PTPN12: variants seen among roughly 807,000 people sequenced by gnomAD.
The protein encoded by PTPN12 is tyrosine-protein phosphatase non-receptor type 12.
PTPN12 carries 29 observed loss-of-function variants against 97.6 expected under a neutral mutation model. That is an observed-to-expected ratio of 0.30 (90% CI 0.22 to 0.41). The LOEUF is 0.41. PTPN12 is among the 10% of genes least tolerant of loss of function. The pLI is 1.00. For synonymous variants in PTPN12, 327 were observed against 300.4 expected (o/e 1.09, Z -0.91); for missense variants, 819 against 926.0 (o/e 0.88, Z 1.50).
Position 77,626,949 on chromosome 7 carries a change from G to A in PTPN12, c.1270G>A (p.Glu424Lys). Residue 424 changes from glutamate (E) to lysine (K), a missense_variant, in exon 13 of 18, where the codon GAA becomes AAA. Physicochemically the swap from Glu to Lys is moderately conservative, Grantham distance 56 (BLOSUM62 1). Coordinates refer to ENST00000248594, the MANE Select transcript of PTPN12 (RefSeq NM_002835.4). ...ELPGKNESTI[E>K]QIDKKLERNL... Reference sequence around the variant, plus strand: ...TCCAGGGAAAAATGAATCAACAATTGAACAGATAGATAAAAAATTGGAACG... The same window carrying A: ...TCCAGGGAAAAATGAATCAACAATTAAACAGATAGATAAAAAATTGGAACG... The A allele has an allele frequency of 1.9e-6, 3 of 1,611,224 alleles. No homozygotes were observed. Among genetic ancestry groups the A allele is most frequent in the Non-Finnish European group, 2.5e-6 (3 of 1,179,122 alleles).
At chr7:77,596,021 G>GA (rs1291034232) in intron 6 of PTPN12, among the ~76,000 whole-genome samples, 1 of 152,128 alleles carries the variant, frequency 6.6e-6, no homozygotes, top group Non-Finnish European at 1.5e-5. Flanking sequence ...GAATGTTAGG[G>GA]AAAATCATGT....
intron 6 of PTPN12, among the ~76,000 whole-genome samples, chr7:77,594,290 T>C (rs929292382): frequency 6.6e-6 from 1 of 152,060 alleles, no homozygotes; most frequent in Non-Finnish European, 1.5e-5. Context: ...AGTGAGACAT[T>C]ATTAACATTT....
At chr7:77,638,956 A>T in intron 17 of PTPN12, 1 of 807,458 alleles carries the variant, frequency 1.2e-6, no homozygotes, top group Non-Finnish European at 1.8e-6. Flanking sequence ...TGGAAAGACT[A>T]AATTATCATG....
rs1032606692 is a variant in PTPN12, at chr7:77,618,332, T to C, written c.940-148T>C. ...AAGTCTGGTCCTTCAGGCTAAAATA[T>C]AGAGCCAGAATATAAGACTTTTTTT... On this transcript the variant is annotated intron_variant, in intron 11 of 17. Transcript: ENST00000248594. The C allele has an allele frequency of 3.5e-5, 18 of 520,004 alleles. No individual in the cohort carries two copies. In the East Asian group the frequency reaches 4.3e-4, roughly 13 times the overall value. The allele number at this position is 520,004 out of a possible 1,614,324, so 32.2% of individuals were successfully genotyped here. A position where few individuals can be genotyped will look rare whatever the true frequency, so the allele number is the denominator to read the frequency against.
At chr7:77,588,186 C>T (rs1032042129) in intron 5 of PTPN12, among the ~76,000 whole-genome samples, 8 of 152,226 alleles carry the variant, frequency 5.3e-5, no homozygotes, top group African/African-American at 1.9e-4. Context: ...TTCTGCCTAT[C>T]TCAGTTTTCA....
At chr7:77,630,300 T>C (rs1028287013) in intron 13 of PTPN12, among the ~76,000 whole-genome samples, 1 of 152,232 alleles carries the variant, frequency 6.6e-6, no homozygotes, top group Non-Finnish European at 1.5e-5. Context: ...TGGGGGGTTT[T>C]TTGGTCCTAG....
chr7:77,578,958 A>G lies in PTPN12; in HGVS notation c.209-2469A>G, dbSNP rs752908102. 1.4e-3 allele frequency among the ~76,000 whole-genome samples: 208 copies of G among 152,188 alleles called. 1 individual carries two copies. The highest frequency in any genetic ancestry group is 2.2e-3 in the Non-Finnish European group (151 of 68,038). On this transcript the variant is annotated intron_variant, in intron 2 of 17. Coordinates refer to ENST00000248594, the MANE Select transcript of PTPN12 (RefSeq NM_002835.4). Reference sequence around the variant, plus strand: ...AGTGACCAAGGTTAACATCACAAGTACTAAAGCATATGTATATCATGTATC... The same window carrying G: ...AGTGACCAAGGTTAACATCACAAGTGCTAAAGCATATGTATATCATGTATC...
intron 1 of PTPN12, among the ~76,000 whole-genome samples, chr7:77,563,325 AT>A (rs1808081579): frequency 6.6e-6 from 1 of 152,222 alleles, no homozygotes; most frequent in South Asian, 2.1e-4. Context: ...GATTATGCTG[AT>A]AGTAGCTATT....
chr7:77,543,360 T>TA (rs1177438107), intron 1 of PTPN12, among the ~76,000 whole-genome samples: 6 of 134,738 alleles, frequency 4.5e-5, no homozygotes, highest in Non-Finnish European at 4.7e-5. Context: ...TTTTTTTTTT[T>TA]AAAGAGAGAA....
At chr7:77,611,298 A>G (rs1788561291) in intron 11 of PTPN12, among the ~76,000 whole-genome samples, 1 of 152,180 alleles carries the variant, frequency 6.6e-6, no homozygotes, top group South Asian at 2.1e-4. Flanking sequence ...AAAATCATAT[A>G]ATTCGTTAAT....
At position 77,587,878 on chromosome 7, in the gene PTPN12, T is replaced by G. The variant is rs561622151; in HGVS notation, c.420+2297T>G. Among the ~76,000 whole-genome samples the G allele has an allele frequency of 2.0e-5, 3 of 152,352 alleles. No homozygotes were observed. The South Asian group carries it at 6.2e-4, about 32-fold the overall frequency. On this transcript the variant is annotated intron_variant, in intron 5 of 17. Coordinates refer to ENST00000248594, the MANE Select transcript of PTPN12 (RefSeq NM_002835.4). ...GCACTTTTATGTTATGGGGACAGCT[T>G]CTTTCCTTAAACTTCGTGAACCAGC...
intron 2 of PTPN12, among the ~76,000 whole-genome samples, chr7:77,572,879 TC>T (rs1429398738): frequency 6.6e-6 from 1 of 151,998 alleles, no homozygotes. Context: ...GGTCAGGAGT[TC>T]GCGACCAGCC....
At position 77,581,523 on chromosome 7, in the gene PTPN12, G is replaced by A. The variant is rs1288530781; in HGVS notation, c.285+20G>A. ...ATAAAGGTATGTACTAACTTTAAATGGTGTTTCTCTGCCATATTAATGTCT... is the reference window on the plus strand; with the variant it reads ...ATAAAGGTATGTACTAACTTTAAATAGTGTTTCTCTGCCATATTAATGTCT... On this transcript the variant is annotated intron_variant, in intron 3 of 17. Transcript: ENST00000248594. The A allele has an allele frequency of 6.9e-7, 1 of 1,443,832 alleles. No individual in the cohort carries two copies. The highest frequency in any genetic ancestry group is 9.5e-7 in the Non-Finnish European group (1 of 1,049,238). 89.4% of individuals were successfully genotyped at this position (1,443,832 alleles called of 1,614,324 possible).
chr7:77,611,476 C>A (rs999711810), intron 11 of PTPN12, among the ~76,000 whole-genome samples: 2 of 152,056 alleles, frequency 1.3e-5, no homozygotes, highest in African/African-American at 4.8e-5. Context: ...CAGAGTTTCA[C>A]TCTTGTTGCC....
At chr7:77,588,845 T>C (rs2151340472) in intron 5 of PTPN12, among the ~76,000 whole-genome samples, 1 of 152,248 alleles carries the variant, frequency 6.6e-6, no homozygotes, top group South Asian at 2.1e-4. Flanking sequence ...TGGTTATCAT[T>C]AATATATGGT....
intron 16 of PTPN12, among the ~76,000 whole-genome samples, chr7:77,638,344 T>A (rs990848026): frequency 6.6e-6 from 1 of 152,162 alleles, no homozygotes; most frequent in African/African-American, 2.4e-5. Context: ...CTTAAGGGAA[T>A]GTAATATGTC....
intron 11 of PTPN12, among the ~76,000 whole-genome samples, chr7:77,616,484 C>T (rs890282838): frequency 6.6e-6 from 1 of 152,170 alleles, no homozygotes. Flanking sequence ...TCCACATTGC[C>T]TTACCTGCAG....
At chr7:77,558,283 C>A (rs186281401) in intron 1 of PTPN12, among the ~76,000 whole-genome samples, 139 of 151,656 alleles carry the variant, frequency 9.2e-4, no homozygotes, top group Admixed American at 5.1e-3. Flanking sequence ...ACTAGTGTTT[C>A]TAGGTCCATT....
In PTPN12 at chr7:77,627,136, A is replaced by G. The variant is rs1268325628; in HGVS notation, c.1457A>G (p.Asn486Ser). ...SKPQELSSDLNVGDTSQNSCV... is the reference protein window; with the variant it reads ...SKPQELSSDLSVGDTSQNSCV... ...CCACAGGAATTAAGTTCAGATCTAA[A>G]TGTCGGTGATACTTCCCAGAATTCT... The change falls in exon 13 of 18, where the codon AAT (asparagine) becomes AGT (serine). Residue 486 changes from asparagine to serine, a missense_variant. Around this residue, in one of 5 missense-constraint regions of PTPN12, gnomAD observed 607 missense variants for 577.3 expected, o/e 1.05. Transcript: ENST00000248594. The G allele has an allele frequency of 6.8e-6, 11 of 1,614,046 alleles. No homozygotes were observed. The highest frequency in any genetic ancestry group is 2.7e-5 in the African/African-American group (2 of 74,934).
Sources: allele counts gnomAD v4.1 joint callset (sites outside exome capture counted in the v4.1 genomes callset), GRCh38; gene constraint gnomAD v4.1.1; regional missense constraint gnomAD v4.1.1; transcripts MANE v1.5; gene names NCBI Gene and HGNC (gene_info 2026-07-23, HGNC 2026-07-21).